The following TACC2 variants were observed in gnomAD, a reference collection of about 807,000 sequenced individuals.
TACC2 encodes the protein transforming acidic coiled-coil-containing protein 2.
In TACC2, 137 loss-of-function variants were observed where a neutral mutation model predicts 227.3. The observed-to-expected ratio is 0.60, with a 90% CI of 0.52 to 0.69. The LOEUF (loss-of-function observed/expected upper bound fraction) is 0.69. Among genes scored for constraint, TACC2 ranks in the 30% least tolerant of loss-of-function variants. The pLI is 0.00. For synonymous variants in TACC2, 1,523 were observed against 1,487.5 expected (o/e 1.02, Z -0.55); for missense variants, 3,470 against 3,694.4 (o/e 0.94, Z 1.57).
chr10:122,234,448 G>A (rs1321647101), intron 16 of TACC2, among the ~76,000 whole-genome samples: 1 of 152,214 alleles, frequency 6.6e-6, no homozygotes, highest in East Asian at 1.9e-4. Flanking sequence ...GGGGTTATGT[G>A]AGAGAAACAA....
At chr10:122,159,775 G>C (rs542588804) in intron 7 of TACC2, among the ~76,000 whole-genome samples, 1 of 152,252 alleles carries the variant, frequency 6.6e-6, no homozygotes, top group Admixed American at 6.5e-5. Flanking sequence ...CCTCCAGATG[G>C]GTTTCTCTGT....
chr10:122,130,582 C>T (rs1459111775), intron 5 of TACC2, among the ~76,000 whole-genome samples: 1 of 152,190 alleles, frequency 6.6e-6, no homozygotes, highest in Non-Finnish European at 1.5e-5. Flanking sequence ...CGTGCCCAGC[C>T]CCTCTTCCTT....
At chr10:122,073,702 T>A (rs995820501) in intron 3 of TACC2, among the ~76,000 whole-genome samples, 21 of 152,170 alleles carry the variant, frequency 1.4e-4, no homozygotes, top group Non-Finnish European at 2.5e-4. Context: ...CTCTGAGAAA[T>A]CCTGCGGTAG....
intron 2 of TACC2, among the ~76,000 whole-genome samples, chr10:122,034,151 C>CAAA (rs137962512): frequency 6.0e-5 from 5 of 83,050 alleles, no homozygotes; most frequent in Middle Eastern, 6.8e-3. Flanking sequence ...GACTCTGTCT[C>CAAA]AAAAAAAAAA....
At position 122,086,941 on chromosome 10, in the gene TACC2, G is replaced by A. The variant is rs778889567; in HGVS notation, c.4441G>A (p.Glu1481Lys). 1.6e-5 allele frequency: 26 copies of A among 1,613,878 alleles called. No homozygotes were observed. Among genetic ancestry groups the A allele is most frequent in the Non-Finnish European group, 2.2e-5 (26 of 1,180,060 alleles). Residue 1481 changes from glutamate (E) to lysine (K), a missense_variant, in exon 4 of 23, where the codon GAG becomes AAG. Physicochemically the swap from Glu to Lys is moderately conservative, Grantham distance 56. Transcript: ENST00000369005. ...GGAGAAGAAGCAACAGTTGGCTGGA[G>A]AGGCTGAGATTTCCCATCTGGCTCT... The part of the protein sequence containing the change: ...QVEKKQQLAG[E>K]AEISHLALQD...
At chr10:122,098,434 T>A (rs1400312094) in intron 5 of TACC2, among the ~76,000 whole-genome samples, 1 of 152,164 alleles carries the variant, frequency 6.6e-6, no homozygotes, top group South Asian at 2.1e-4. Context: ...AGTCTGAGGG[T>A]TCCTGTCCTG....
chr10:122,187,494 T>C (rs2094245431), intron 7 of TACC2, among the ~76,000 whole-genome samples: 1 of 152,094 alleles, frequency 6.6e-6, no homozygotes, highest in Non-Finnish European at 1.5e-5. Context: ...TTTTCTTTCT[T>C]TCTTTTTTTT....
intron 1 of TACC2, among the ~76,000 whole-genome samples, chr10:122,012,819 G>A (rs1442916973): frequency 8.6e-6 from 1 of 116,844 alleles, no homozygotes; most frequent in Non-Finnish European, 1.8e-5. Context: ...GGAGCACCAT[G>A]TGGGGGTGCT....
chr10:122,043,841 A>G (rs945200353), intron 2 of TACC2, among the ~76,000 whole-genome samples: 3 of 152,160 alleles, frequency 2.0e-5, no homozygotes, highest in Non-Finnish European at 2.9e-5. Context: ...CGGCCTCCCA[A>G]AGTGCTGGGA....
At chr10:121,992,915 A>T (rs1314825492) in intron 1 of TACC2, among the ~76,000 whole-genome samples, 3 of 151,902 alleles carry the variant, frequency 2.0e-5, no homozygotes, top group Non-Finnish European at 4.4e-5. Flanking sequence ...AGATCGTGCC[A>T]CTGCACTCCA....
rs999915248 is a variant in TACC2 at position 122,028,621 on chromosome 10, T to C, written c.33+6607T>C. On this transcript the variant is annotated intron_variant, in intron 2 of 22. Transcript: ENST00000369005. ...TTAGTTCCAAGAAGTTTGTTTGTTT[T>C]TGTAGATTTCTTGGGATTTTTCTAT... is the stretch of plus-strand genomic sequence containing the variant. Among the ~76,000 whole-genome samples, 102 of 152,276 alleles carry C rather than the reference T, an allele frequency of 6.7e-4. 1 individual carries two copies. Among genetic ancestry groups the C allele is most frequent in the Non-Finnish European group, 1.4e-3 (96 of 68,012 alleles).
In TACC2 at chr10:122,082,998, G is replaced by C. The variant is rs1483728396; in HGVS notation, c.498G>C (p.Glu166Asp). ...GGGACAGCTCTACTCCATACCAAGA[G>C]ATTGCTGCCGTCCCCAGTGCTGGAA... Reference protein sequence around the residue: ...AERDSSTPYQEIAAVPSAGRE... With the variant: ...AERDSSTPYQDIAAVPSAGRE... Residue 166 changes from glutamate (E) to aspartate (D), a missense_variant, in exon 4 of 23, where the codon GAG (glutamate) becomes GAC (aspartate). Around this residue, in one of 10 missense-constraint regions of TACC2, gnomAD observed 405 missense variants for 389.6 expected, o/e 1.04. Transcript: ENST00000369005. The C allele has an allele frequency of 6.2e-7, 1 of 1,612,736 alleles. No individual in the cohort carries two copies. Among genetic ancestry groups the C allele is most frequent in the Non-Finnish European group, 8.5e-7 (1 of 1,180,020 alleles).
intron 3 of TACC2, 74 bp from the exon 4 acceptor site, chr10:122,082,573 G>A: frequency 6.7e-7 from 1 of 1,503,588 alleles, no homozygotes; most frequent in Non-Finnish European, 9.0e-7. Flanking sequence ...GGGGTGGGTT[G>A]GGGGGTGACC....
intron 7 of TACC2, among the ~76,000 whole-genome samples, chr10:122,160,537 G>GC (rs2092756400): frequency 8.5e-6 from 1 of 117,890 alleles, no homozygotes; most frequent in Non-Finnish European, 1.8e-5. Context: ...AAGTGTGTGT[G>GC]TGGGGGGGGT....
intron 5 of TACC2, among the ~76,000 whole-genome samples, chr10:122,125,221 G>T (rs542618131): frequency 5.3e-5 from 8 of 152,196 alleles, no homozygotes; most frequent in African/African-American, 1.4e-4. Context: ...TTGAGACAGG[G>T]TCTCACTTTT....
intron 5 of TACC2, among the ~76,000 whole-genome samples, chr10:122,117,741 G>C (rs1245544065): frequency 6.6e-6 from 1 of 152,140 alleles, no homozygotes; most frequent in East Asian, 1.9e-4. Context: ...AGAATAGAAG[G>C]CTCCTGGCTA....
At chr10:122,090,546 C>CAAAAAAAAAAAAAAAA in intron 5 of TACC2, among the ~76,000 whole-genome samples, 1 of 41,108 alleles carries the variant, frequency 2.4e-5, no homozygotes, top group Non-Finnish European at 5.1e-5. Context: ...GACTCTATCT[C>CAAAAAAAAAAAAAAAA]AAAAAAAAAA....
chr10:122,029,863 A>G (rs1431810005), intron 2 of TACC2, among the ~76,000 whole-genome samples: 1 of 130,838 alleles, frequency 7.6e-6, no homozygotes, highest in African/African-American at 2.8e-5. Flanking sequence ...TTGGACCTCA[A>G]GCTCCCTGCA....
chr10:122,227,487 C>G (rs540036710), intron 13 of TACC2, among the ~76,000 whole-genome samples: 17 of 152,320 alleles, frequency 1.1e-4, no homozygotes, highest in African/African-American at 4.1e-4. Flanking sequence ...AGGCATGCAG[C>G]ATCTCATTTA....
Sources: allele counts gnomAD v4.1 joint callset (sites outside exome capture counted in the v4.1 genomes callset), GRCh38; gene constraint gnomAD v4.1.1; regional missense constraint gnomAD v4.1.1; transcripts MANE v1.5; gene names NCBI Gene and HGNC (gene_info 2026-07-23, HGNC 2026-07-21).